Variants in RIT2 observed in about 807,000 individuals in gnomAD.
RIT2 encodes the protein GTP-binding protein Rit2.
A neutral mutation model predicts 23.7 loss-of-function variants in RIT2; 24 were observed. The ratio of observed to expected loss-of-function variants is 1.01; its 90% CI spans 0.73 to 1.43. The LOEUF (loss-of-function observed/expected upper bound fraction) is 1.43, where lower values mean the gene tolerates loss of function less well. RIT2 is among the 40% of genes most tolerant of loss of function. The probability of loss-of-function intolerance (pLI) is 0.00; values close to 1 mark genes in which losing one functional copy is unlikely to be tolerated. For missense variants in RIT2, 236 were observed against 266.9 expected, an observed-to-expected ratio of 0.88 and a Z score of 0.81; for synonymous variants, 107 against 91.1, an observed-to-expected ratio of 1.17 and a Z score of -0.99.
At chr18:42,967,462 C>T (rs1598733160) in intron 3 of RIT2, among the ~76,000 whole-genome samples, 1 of 151,306 alleles carries the variant, frequency 6.6e-6, no homozygotes, top group Non-Finnish European at 1.5e-5. Flanking sequence ...CTCCGCCTCC[C>T]GGGTTCATGC....
intron 4 of RIT2, among the ~76,000 whole-genome samples, chr18:42,822,693 T>C (rs1054709633): frequency 6.6e-6 from 1 of 152,092 alleles, no homozygotes; most frequent in South Asian, 2.1e-4. Flanking sequence ...GCTAAAGGTT[T>C]ATCAATAATA....
chr18:43,071,668 C>A (rs1568073589), intron 1 of RIT2, among the ~76,000 whole-genome samples: 1 of 152,064 alleles, frequency 6.6e-6, no homozygotes, highest in Non-Finnish European at 1.5e-5. Context: ...GAGATCTTAT[C>A]CAATGTGTGC....
chr18:42,861,032 A>G (rs1907313374), intron 4 of RIT2, among the ~76,000 whole-genome samples: 1 of 152,210 alleles, frequency 6.6e-6, no homozygotes, highest in South Asian at 2.1e-4. Context: ...GACAAGATGC[A>G]GCTTCTTTAC....
intron 3 of RIT2, among the ~76,000 whole-genome samples, chr18:42,952,903 T>A (rs1279042493): frequency 1.3e-5 from 2 of 151,792 alleles, no homozygotes; most frequent in South Asian, 2.1e-4. Context: ...CATTTTTTGC[T>A]TATCTTTTCT....
intron 2 of RIT2, among the ~76,000 whole-genome samples, chr18:43,026,573 T>TAGA (rs1555652884): frequency 6.5e-5 from 5 of 77,360 alleles, no homozygotes; most frequent in African/African-American, 2.2e-4. Context: ...AAGAAATAAA[T>TAGA]AAGAAAGAAA....
intron 4 of RIT2, among the ~76,000 whole-genome samples, chr18:42,755,691 C>A (rs945054324): frequency 1.3e-5 from 2 of 152,174 alleles, no homozygotes; most frequent in African/African-American, 4.8e-5. Flanking sequence ...AAGTGACTGG[C>A]ACTTAAGAGG....
At chr18:42,958,594 A>G (rs1910027957) in intron 3 of RIT2, among the ~76,000 whole-genome samples, 1 of 152,174 alleles carries the variant, frequency 6.6e-6, no homozygotes, top group Admixed American at 6.5e-5. Flanking sequence ...TGTTGGGAAG[A>G]GGCAAAAGAA....
At chr18:43,099,349 C>T (rs554494361) in intron 1 of RIT2, among the ~76,000 whole-genome samples, 2 of 151,604 alleles carry the variant, frequency 1.3e-5, no homozygotes, top group South Asian at 4.1e-4. Flanking sequence ...TTTTTATTTA[C>T]TCCCCTTTCA....
chr18:42,960,529 G>T (rs1177446444), intron 3 of RIT2, among the ~76,000 whole-genome samples: 2 of 152,078 alleles, frequency 1.3e-5, no homozygotes, highest in African/African-American at 2.4e-5. Context: ...TGGCCAGGCT[G>T]GTATTGAACT....
intron 3 of RIT2, among the ~76,000 whole-genome samples, chr18:42,960,521 G>T (rs1952085125): frequency 6.6e-6 from 1 of 152,016 alleles, no homozygotes; most frequent in South Asian, 2.1e-4. Context: ...CACCATGTTG[G>T]CCAGGCTGGT....
At chr18:43,049,005 G>T (rs1199618186) in intron 1 of RIT2, among the ~76,000 whole-genome samples, 1 of 152,136 alleles carries the variant, frequency 6.6e-6, no homozygotes, top group African/African-American at 2.4e-5. Context: ...TGAATCTAGA[G>T]TAGTCACTCC....
At chr18:43,067,142 C>T (rs910840632) in intron 1 of RIT2, among the ~76,000 whole-genome samples, 5 of 151,880 alleles carry the variant, frequency 3.3e-5, no homozygotes, top group African/African-American at 1.2e-4. Flanking sequence ...AGATGAGTAA[C>T]TGAAGGATAA....
chr18:43,113,357 T>G (rs1913996338), intron 1 of RIT2, among the ~76,000 whole-genome samples: 1 of 152,200 alleles, frequency 6.6e-6, no homozygotes, highest in Non-Finnish European at 1.5e-5. Context: ...TCAATACAAC[T>G]GAGCTGTTTA....
At chr18:42,940,982 A>C (rs1909587859) in intron 3 of RIT2, among the ~76,000 whole-genome samples, 1 of 152,102 alleles carries the variant, frequency 6.6e-6, no homozygotes, top group African/African-American at 2.4e-5. Flanking sequence ...TTCCTAGTTG[A>C]TATCTTGGAA....
intron 4 of RIT2, among the ~76,000 whole-genome samples, chr18:42,821,451 A>T (rs1445231604): frequency 6.6e-6 from 1 of 152,130 alleles, no homozygotes; most frequent in Non-Finnish European, 1.5e-5. Context: ...CTGTTACTTT[A>T]AAGCAGTAGT....
intron 1 of RIT2, among the ~76,000 whole-genome samples, chr18:43,093,513 TG>T (rs1175295696): frequency 6.6e-6 from 1 of 152,036 alleles, no homozygotes; most frequent in Non-Finnish European, 1.5e-5. Flanking sequence ...CTTTGTTTTT[TG>T]TAACTGGAGG....
At chr18:42,929,032 G>GATAT (rs1187388200) in intron 3 of RIT2, among the ~76,000 whole-genome samples, 2 of 16,070 alleles carry the variant, frequency 1.2e-4, no homozygotes, top group African/African-American at 2.9e-4. Flanking sequence ...CTAAAATATG[G>GATAT]AGATATATAT....
intron 2 of RIT2, among the ~76,000 whole-genome samples, chr18:43,030,276 ATTTAAG>A (rs1911824116): frequency 6.6e-6 from 1 of 152,116 alleles, no homozygotes; most frequent in African/African-American, 2.4e-5. Context: ...CAATATTTAA[ATTTAAG>A]TTTAAGAGAA....
rs979155720 is a variant in RIT2, at chr18:42,751,128, A to G, written c.427-7408T>C. 3.3e-5 allele frequency among the ~76,000 whole-genome samples: 5 copies of G among 151,900 alleles called. No individual in the cohort carries two copies. In the East Asian group the frequency reaches 9.6e-4, roughly 29 times the overall value. Reference sequence around the variant, plus strand: ...TATATTATTGGGATATCATTTCCAAATCAGTGGAGAAATGAAGGTGCTGTC... The same window carrying G: ...TATATTATTGGGATATCATTTCCAAGTCAGTGGAGAAATGAAGGTGCTGTC... On this transcript the variant is annotated intron_variant, in intron 4 of 4. Transcript: ENST00000326695.
Sources: gnomAD v4.1 joint callset for allele counts (sites outside exome capture counted in the v4.1 genomes callset) on GRCh38, gnomAD v4.1.1 for gene constraint, MANE v1.5 for transcripts, NCBI Gene and HGNC (gene_info 2026-07-23, HGNC 2026-07-21) for gene names.